The following PELP1 variants were observed in gnomAD, a reference collection of about 807,000 sequenced individuals.
PELP1 encodes proline-, glutamic acid- and leucine-rich protein 1.
Under a neutral mutation model 95.5 loss-of-function variants are expected in PELP1, and 32 were observed. That is an observed-to-expected ratio of 0.34 (90% CI 0.25 to 0.45). PELP1 has a LOEUF of 0.45. Among genes scored for constraint, PELP1 ranks in the 20% least tolerant of loss-of-function variants. The pLI is 1.00. For missense variants in PELP1, 1,358 were observed against 1,444.8 expected (o/e 0.94, Z 0.97); for synonymous variants, 668 against 600.1 (o/e 1.11, Z -1.65).
Position 4,672,767 on chromosome 17 carries a change from G to A in PELP1, c.2224C>T (p.Pro742Ser). 1 of 1,613,590 alleles carries A rather than the reference G, an allele frequency of 6.2e-7. No individual in the cohort carries two copies. The highest frequency in any genetic ancestry group is 8.5e-7 in the Non-Finnish European group (1 of 1,179,698). Residue 742 changes from proline to serine, a missense_variant, in exon 16 of 17, where the codon CCT becomes TCT. By Grantham distance (74) the Pro-to-Ser change is moderately conservative. Transcript: ENST00000572293. ...ATAGTAGGTGGGGGAGTCCCACTAG[G>A]GGCAAGGATGGGGTCCTCATTTGAG... The part of the protein sequence containing the change: ...AGSNEDPILA[P>S]SGTPPPTIPP...
intron 13 of PELP1, 91 bp downstream of exon 13, chr17:4,674,419 C>T (rs2150553610): frequency 8.0e-7 from 1 of 1,245,414 alleles, no homozygotes. Flanking sequence ...AAAAGTTTCA[C>T]CTAAGGGTAT....
Position 4,672,198 on chromosome 17 carries a change from A to G in PELP1, c.2793T>C (p.Phe931=). The G allele has an allele frequency of 6.4e-7, 1 of 1,551,316 alleles. No homozygotes were observed. The highest frequency in any genetic ancestry group is 2.4e-5 in the East Asian group (1 of 40,960). The part of the protein sequence containing the change: ...FEEEEEEEEE[F]EEEFEEEEGE... ...CTTCTTCTTCCTCAAATTCTTCCTCAAACTCTTCTTCCTCCTCTTCTTCCT... is the reference window on the plus strand; with the variant it reads ...CTTCTTCTTCCTCAAATTCTTCCTCGAACTCTTCTTCCTCCTCTTCTTCCT... The change falls in exon 16 of 17, where the codon TTT becomes TTC. Residue 931 remains phenylalanine (F), a synonymous_variant. Coordinates refer to ENST00000572293, the MANE Select transcript of PELP1 (RefSeq NM_014389.3).
chr17:4,700,098 G>A (rs1049674370), intron 1 of PELP1, among the ~76,000 whole-genome samples: 8 of 151,326 alleles, frequency 5.3e-5, no homozygotes, highest in Admixed American at 2.6e-4. Flanking sequence ...TAATACAGAC[G>A]GGGTCACCAT....
At chr17:4,678,657 G>A (rs893677126) in intron 5 of PELP1, among the ~76,000 whole-genome samples, 7 of 152,170 alleles carry the variant, frequency 4.6e-5, no homozygotes, top group African/African-American at 1.7e-4. Flanking sequence ...GCATGTCCTG[G>A]GGCTCTCTCA....
intron 3 of PELP1, among the ~76,000 whole-genome samples, chr17:4,690,375 G>A (rs115153764): frequency 0.016 from 2,405 of 152,068 alleles, 63 homozygotes; most frequent in African/African-American, 0.054. Context: ...TACCACTAAA[G>A]AAATTATCCA....
Position 4,671,784 on chromosome 17 carries a change from A to G in PELP1, c.3207T>C (p.Thr1069=), listed in dbSNP as rs1912212530. ...GCTGCACCTTGTCACTCCCATCCTCAGTCTCCTCTTCCAACAGGGTTGGGG... is the reference window on the plus strand; with the variant it reads ...GCTGCACCTTGTCACTCCCATCCTCGGTCTCCTCTTCCAACAGGGTTGGGG... ...SAPPTLLEEE[T]EDGSDKVQPP... The change falls in exon 16 of 17, where the codon ACT becomes ACC. Residue 1069 remains threonine (T), a synonymous_variant. Transcript: ENST00000572293. The G allele has an allele frequency of 1.3e-6, 2 of 1,515,736 alleles. No individual in the cohort carries two copies. The highest frequency in any genetic ancestry group is 1.8e-6 in the Non-Finnish European group (2 of 1,136,162). 93.9% of individuals were successfully genotyped at this position (1,515,736 alleles called of 1,614,324 possible).
intron 3 of PELP1, among the ~76,000 whole-genome samples, chr17:4,684,317 G>A (rs1175101837): frequency 6.6e-6 from 1 of 151,990 alleles, no homozygotes; most frequent in African/African-American, 2.4e-5. Flanking sequence ...TTTCCAAATC[G>A]CTACTTCTCC....
intron 3 of PELP1, among the ~76,000 whole-genome samples, chr17:4,689,859 C>A (rs1913032973): frequency 6.6e-6 from 1 of 152,192 alleles, no homozygotes; most frequent in South Asian, 2.1e-4. Context: ...AACCCCATCT[C>A]TACTAAAATG....
intron 3 of PELP1, chr17:4,683,221 CTTTTTT>C (rs34420450): frequency 6.8e-4 from 160 of 236,078 alleles, no homozygotes; most frequent in East Asian, 1.1e-3. Context: ...GAAGAGTTTT[CTTTTTT>C]TTTTTTTTTT....
rs190956141 is a variant in PELP1, at chr17:4,683,381, T to A, written c.421-429A>T. Among the ~76,000 whole-genome samples, 957 of 151,686 alleles carry A rather than the reference T, an allele frequency of 6.3e-3. 7 individuals carry two copies. The highest frequency in any genetic ancestry group is 0.052 in the Middle Eastern group (15 of 290). On this transcript the variant is annotated intron_variant, in intron 3 of 16. Transcript: ENST00000572293. ...GACTACAAGCGCCCGCCACCACGCC[T>A]GACTAATTTTTTGTATTTTTAGTAG...
intron 5 of PELP1, among the ~76,000 whole-genome samples, chr17:4,679,840 G>A (rs373060191): frequency 6.6e-6 from 1 of 152,114 alleles, no homozygotes; most frequent in South Asian, 2.1e-4. Context: ...AACCAGCAAG[G>A]ACACAACCCC....
At chr17:4,694,514 G>C (rs1292108967) in intron 1 of PELP1, among the ~76,000 whole-genome samples, 1 of 15,412 alleles carries the variant, frequency 6.5e-5, no homozygotes, top group Non-Finnish European at 1.6e-4. Context: ...AAAAAAATCA[G>C]CCAGGCGTGG....
intron 2 of PELP1, 23 bp from the exon 3 acceptor site, chr17:4,691,016 T>C: frequency 1.9e-6 from 3 of 1,544,296 alleles, no homozygotes; most frequent in South Asian, 2.2e-5. Context: ...AAGAGAGTCA[T>C]GTTAAGTGGG....
In PELP1 at chr17:4,674,563, T is replaced by A. The variant is rs1186909158; in HGVS notation, c.1529A>T (p.His510Leu). 6.2e-7 allele frequency: 1 copy of A among 1,612,604 alleles called. No individual in the cohort carries two copies. The highest frequency in any genetic ancestry group is 8.5e-7 in the Non-Finnish European group (1 of 1,179,470). ...GTTGGCATTGCTATCCCCTTTCCGGTGGCTTGGCGGGGCCATAGCTTCCCC... is the reference window on the plus strand; with the variant it reads ...GTTGGCATTGCTATCCCCTTTCCGGAGGCTTGGCGGGGCCATAGCTTCCCC... ...DVGEAMAPPS[H>L]RKGDSNANSD... is the part of the protein sequence containing the mutation. The change falls in exon 13 of 17, where the codon CAC (histidine) becomes CTC (leucine). Residue 510 changes from histidine (H) to leucine (L), a missense_variant. By Grantham distance (99) the His-to-Leu change is moderately conservative. This residue lies in a region of PELP1 where 538 missense variants were observed against 628.1 expected (regional missense o/e 0.86). Transcript: ENST00000572293.
chr17:4,695,925 C>T (rs889695518), intron 1 of PELP1, among the ~76,000 whole-genome samples: 2 of 150,984 alleles, frequency 1.3e-5, no homozygotes, highest in Non-Finnish European at 1.5e-5. Context: ...CCTTGGCCTC[C>T]GAAAGTGCTG....
chr17:4,683,252 G>A (rs990242191), intron 3 of PELP1: 30 of 232,274 alleles, frequency 1.3e-4, no homozygotes, highest in Admixed American at 5.4e-4. Context: ...ACGGAGTCTT[G>A]CTCTGTCACC....
At chr17:4,703,375 G>A (rs1473211252) in intron 1 of PELP1, among the ~76,000 whole-genome samples, 1 of 152,178 alleles carries the variant, frequency 6.6e-6, no homozygotes, top group African/African-American at 2.4e-5. Flanking sequence ...CCAGTCTTCA[G>A]ATAAGGTTAG....
chr17:4,674,491 G>C lies in PELP1; in HGVS notation c.1582+19C>G. On this transcript the variant is annotated intron_variant, in intron 13 of 16. Transcript: ENST00000572293. ...GTCCCGTTTGAGCCCCAGTGGTCCAGGGCACAGGCCTCACCCACCTCTGAG... is the reference window on the plus strand; with the variant it reads ...GTCCCGTTTGAGCCCCAGTGGTCCACGGCACAGGCCTCACCCACCTCTGAG... 1 of 1,606,968 alleles carries C rather than the reference G, an allele frequency of 6.2e-7. No individual in the cohort carries two copies. The highest frequency in any genetic ancestry group is 1.1e-5 in the South Asian group (1 of 90,278).
At position 4,675,872 on chromosome 17, in the gene PELP1, T is replaced by A. The variant is rs759463933; in HGVS notation, c.993A>T (p.Gly331=). 2.5e-6 allele frequency: 4 copies of A among 1,591,930 alleles called. No homozygotes were observed. The South Asian group carries it at 3.4e-5, about 14-fold the overall frequency. The part of the protein sequence containing the change: ...CLGLMLSSEF[G]APVSVPVQEI... ...CCTGCACAGGGACGGACACGGGAGC[T>A]CCAAACTCAGAGCTAAAGAGAATCA... is the stretch of plus-strand genomic sequence containing the variant. The change falls in exon 9 of 17, where the codon GGA becomes GGT. Residue 331 remains glycine, a synonymous_variant. Coordinates refer to ENST00000572293, the MANE Select transcript of PELP1 (RefSeq NM_014389.3). The surrounding 1 kb of genome is among the most constrained non-coding windows in gnomAD (Gnocchi z 4.3).
Sources: allele counts gnomAD v4.1 joint callset (sites outside exome capture counted in the v4.1 genomes callset), GRCh38; gene constraint gnomAD v4.1.1; regional missense constraint gnomAD v4.1.1; non-coding constraint Gnocchi (gnomAD v3.1); transcripts MANE v1.5; gene names NCBI Gene and HGNC (gene_info 2026-07-23, HGNC 2026-07-21).